The following TLN2 variants were observed in gnomAD, a reference collection of about 807,000 sequenced individuals.
The protein encoded by TLN2 is talin 2, also known as talin-2.
In TLN2, 118 loss-of-function variants were observed where a neutral mutation model predicts 294.7. The ratio of observed to expected loss-of-function variants is 0.40; its 90% CI spans 0.34 to 0.47. The LOEUF is 0.47. Among genes scored for constraint, TLN2 ranks in the 20% least tolerant of loss-of-function variants. TLN2 has a pLI of 0.84. For synonymous variants in TLN2, 1,431 were observed against 1,304.5 expected (o/e 1.10, Z -2.09); for missense variants, 3,083 against 3,282.2 (o/e 0.94, Z 1.48).
chr15:62,690,860 G>A (rs1297169832), intron 12 of TLN2, among the ~76,000 whole-genome samples: 1 of 151,744 alleles, frequency 6.6e-6, no homozygotes, highest in East Asian at 1.9e-4. Flanking sequence ...AAAAAAATAC[G>A]AAAACCAGTC....
chr15:62,562,906 TCACACACACACA>T (rs61578830), intron 1 of TLN2, among the ~76,000 whole-genome samples: 5,779 of 99,208 alleles, frequency 0.058, 184 homozygotes, highest in South Asian at 0.072. Context: ...TAGTATTCCA[TCACACACACACA>T]CACACACACA....
chr15:62,600,946 A>G (rs1014302285), intron 2 of TLN2, among the ~76,000 whole-genome samples: 1 of 152,182 alleles, frequency 6.6e-6, no homozygotes. Context: ...TAATGTTCAA[A>G]TTTTCTCAAT....
intron 3 of TLN2, among the ~76,000 whole-genome samples, chr15:62,619,252 G>T (rs1008674284): frequency 2.6e-5 from 4 of 152,214 alleles, no homozygotes; most frequent in Admixed American, 1.3e-4. Flanking sequence ...TGGCTCTGAT[G>T]ACACAGCTCT....
intron 1 of TLN2, among the ~76,000 whole-genome samples, chr15:62,483,079 G>A (rs926464856): frequency 2.0e-5 from 3 of 152,206 alleles, no homozygotes; most frequent in African/African-American, 7.2e-5. Flanking sequence ...CTCTGTTCTT[G>A]CTCAGAGGGA....
chr15:62,502,435 G>T (rs1349666944), intron 1 of TLN2, among the ~76,000 whole-genome samples: 1 of 152,194 alleles, frequency 6.6e-6, no homozygotes, highest in Non-Finnish European at 1.5e-5. Context: ...CACTGGGAGG[G>T]GAGTCAGCCA....
intron 3 of TLN2, among the ~76,000 whole-genome samples, chr15:62,646,069 G>A (rs2140929686): frequency 6.6e-6 from 1 of 152,176 alleles, no homozygotes; most frequent in East Asian, 1.9e-4. Context: ...ACACTGAGTT[G>A]TTGAACTTAC....
intron 1 of TLN2, among the ~76,000 whole-genome samples, chr15:62,415,632 G>T (rs1425859715): frequency 6.6e-6 from 1 of 152,234 alleles, no homozygotes; most frequent in Non-Finnish European, 1.5e-5. Context: ...CAGGAGTCCC[G>T]CTCTGCTGGG....
chr15:62,739,489 A>G lies in TLN2; in HGVS notation c.3829A>G (p.Ser1277Gly), dbSNP rs2061201199. The G allele has an allele frequency of 1.2e-6, 2 of 1,614,226 alleles. No homozygotes were observed. The highest frequency in any genetic ancestry group is 1.3e-5 in the African/African-American group (1 of 75,064). ...GTTGGCTGCAGCCTCTGGAAAGTTC[A>G]GTGATGATTTTGATGAATTCCTCGA... ...GELAAASGKFSDDFDEFLDAG... is the reference protein window; with the variant it reads ...GELAAASGKFGDDFDEFLDAG... The change falls in exon 31 of 59, where the codon AGT (serine) becomes GGT (glycine). Residue 1277 changes from serine (S) to glycine (G), a missense_variant. Physicochemically the swap from Ser to Gly is moderately conservative, Grantham distance 56. Coordinates refer to ENST00000636159, the MANE Select transcript of TLN2 (RefSeq NM_015059.3).
chr15:62,746,867 T>C (rs1287059702), intron 32 of TLN2, among the ~76,000 whole-genome samples: 1 of 152,226 alleles, frequency 6.6e-6, no homozygotes, highest in Non-Finnish European at 1.5e-5. Context: ...TTCTGCTGCT[T>C]ATTTGTAGCA....
At chr15:62,462,898 C>T (rs1323955857) in intron 1 of TLN2, among the ~76,000 whole-genome samples, 1 of 152,164 alleles carries the variant, frequency 6.6e-6, no homozygotes, top group African/African-American at 2.4e-5. Context: ...GAAAATCTCT[C>T]CTGACCGCAC....
chr15:62,480,352 T>C (rs1485539298), intron 1 of TLN2, among the ~76,000 whole-genome samples: 1 of 151,962 alleles, frequency 6.6e-6, no homozygotes, highest in East Asian at 1.9e-4. Flanking sequence ...TAGCTGGGAG[T>C]ATAGGTGCCC....
At chr15:62,412,209 C>T (rs1192849567) in intron 1 of TLN2, among the ~76,000 whole-genome samples, 3 of 152,104 alleles carry the variant, frequency 2.0e-5, no homozygotes, top group Admixed American at 6.5e-5. Flanking sequence ...AATCAGATCC[C>T]GAGGTGAACT....
At chr15:62,553,046 A>G (rs544726292) in intron 1 of TLN2, among the ~76,000 whole-genome samples, 28 of 152,368 alleles carry the variant, frequency 1.8e-4, no homozygotes, top group African/African-American at 6.3e-4. Flanking sequence ...ATATATCCAC[A>G]TTATAAAAAC....
At chr15:62,839,876 G>A (rs2070401042) in intron 58 of TLN2, among the ~76,000 whole-genome samples, 2 of 152,232 alleles carry the variant, frequency 1.3e-5, no homozygotes, top group Admixed American at 6.5e-5. Flanking sequence ...AATAATGATA[G>A]TCGGTAGCCT....
At chr15:62,636,261 GATA>G (rs2050373298) in intron 3 of TLN2, among the ~76,000 whole-genome samples, 3 of 151,318 alleles carry the variant, frequency 2.0e-5, no homozygotes, top group African/African-American at 7.4e-5. Flanking sequence ...TAGATAGATA[GATA>G]GATAGATAGA....
In TLN2 at chr15:62,491,531, G is replaced by A. The variant is rs140668809; in HGVS notation, c.-237-98156G>A. ...TTTCTTATTAGCCCTTCCAAAGTGG[G>A]CAATCAGATATGCTCTTATCTCAGT... is the stretch of plus-strand genomic sequence containing the variant. On this transcript the variant is annotated intron_variant, in intron 1 of 58. Transcript: ENST00000636159. 1.8e-3 allele frequency among the ~76,000 whole-genome samples: 269 copies of A among 152,190 alleles called. 2 individuals are homozygous for A. The highest frequency in any genetic ancestry group is 6.2e-3 in the African/African-American group (257 of 41,522).
chr15:62,736,974 C>T lies in TLN2; in HGVS notation c.3455C>T (p.Ala1152Val). ...ASTTDPAAAHAMLDSARDVME... is the reference protein window; with the variant it reads ...ASTTDPAAAHVMLDSARDVME... ...ACAACCGACCCCGCGGCCGCCCATG[C>T]CATGTTAGATTCTGCTCGAGACGTG... is the stretch of plus-strand genomic sequence containing the variant. The change falls in exon 29 of 59, where the codon GCC becomes GTC. Residue 1152 changes from alanine (A) to valine (V), a missense_variant. Transcript: ENST00000636159. The T allele has an allele frequency of 1.2e-6, 2 of 1,614,216 alleles. No homozygotes were observed. Among genetic ancestry groups the T allele is most frequent in the South Asian group, 1.1e-5 (1 of 91,088 alleles).
At position 62,842,685 on chromosome 15, in the gene TLN2, G is replaced by A. The variant is rs1258706587; in HGVS notation, c.*2075G>A. The stretch of plus-strand genomic sequence containing the variant: ...CTCAGAGTCATTTAAAACCTTTACT[G>A]CATTTGATACCAGAAAAGCCTCCAG... On this transcript the variant is annotated 3_prime_UTR_variant, in exon 59 of 59. Transcript: ENST00000636159. The A allele has an allele frequency of 6.6e-6, 1 of 152,146 alleles. No individual in the cohort carries two copies. The highest frequency in any genetic ancestry group is 1.5e-5 in the Non-Finnish European group (1 of 68,036). 9.4% of individuals were successfully genotyped at this position (152,146 alleles called of 1,614,324 possible). A position where few individuals can be genotyped will look rare whatever the true frequency, so the allele number is the denominator to read the frequency against.
At chr15:62,700,958 C>G in intron 16 of TLN2, 148 bp from the exon 17 acceptor site, 2 of 610,402 alleles carry the variant, frequency 3.3e-6, no homozygotes, top group Non-Finnish European at 5.8e-6. Context: ...GTTAAGGATA[C>G]TGTTTAGGAT....
Sources: allele counts gnomAD v4.1 joint callset (sites outside exome capture counted in the v4.1 genomes callset), GRCh38; gene constraint gnomAD v4.1.1; transcripts MANE v1.5; gene names NCBI Gene and HGNC (gene_info 2026-07-23, HGNC 2026-07-21).